Variants in SATB1 observed in about 807,000 individuals in gnomAD.
The protein encoded by SATB1 is DNA-binding protein SATB1.
In SATB1, 11 loss-of-function variants were observed where a neutral mutation model predicts 86.9. The ratio of observed to expected loss-of-function variants is 0.13; its 90% confidence interval spans 0.08 to 0.21. The LOEUF (loss-of-function observed/expected upper bound fraction) is 0.21. Among genes scored for constraint, SATB1 ranks in the 10% least tolerant of loss-of-function variants. The pLI is 1.00. For synonymous variants in SATB1, 357 were observed against 357.2 expected, an observed-to-expected ratio of 1.00 and a Z score of 0.01; for missense variants, 551 against 937.6, an observed-to-expected ratio of 0.59 and a Z score of 5.39.
chr3:18,435,176 A>T (rs1699018793), intron 2 of SATB1: 1 of 152,178 alleles, frequency 6.6e-6, no homozygotes, highest in Admixed American at 6.5e-5. Context: ...CTATTCTGTT[A>T]TTGTTATAAT....
At position 18,351,215 on chromosome 3, in the gene SATB1, G is replaced by A. The variant is rs575105835; in HGVS notation, c.1779+777C>T. 11 of 922,644 alleles carry A rather than the reference G, an allele frequency of 1.2e-5. No individual in the cohort carries two copies. In the South Asian group the frequency reaches 1.4e-4, roughly 12 times the overall value. The allele number at this position is 922,644 out of a possible 1,614,324, so 57.2% of individuals were successfully genotyped here. A position where few individuals can be genotyped will look rare whatever the true frequency, so the allele number is the denominator to read the frequency against. On this transcript the variant is annotated intron_variant, in intron 10 of 10. Coordinates refer to ENST00000338745, the MANE Select transcript of SATB1 (RefSeq NM_002971.6). ...GCTCTGCCCAAGACCATGGTTAGTA[G>A]GGCCTTTACAGGTTTGAAAATCCTG...
chr3:18,433,205 T>C (rs1434948596), intron 2 of SATB1, among the ~76,000 whole-genome samples: 4 of 152,204 alleles, frequency 2.6e-5, no homozygotes, highest in African/African-American at 9.6e-5. Context: ...TCTTTTGGAA[T>C]GTTTTTCAAA....
At chr3:18,365,711 C>T (rs980152257) in intron 9 of SATB1, among the ~76,000 whole-genome samples, 1 of 152,156 alleles carries the variant, frequency 6.6e-6, no homozygotes. Flanking sequence ...TGGCTCAATG[C>T]TAATTTGCTC....
intron 7 of SATB1, among the ~76,000 whole-genome samples, chr3:18,389,609 C>CA (rs1696537005): frequency 6.6e-6 from 1 of 151,994 alleles, no homozygotes; most frequent in African/African-American, 2.4e-5. Context: ...GTAAGCGTGA[C>CA]CTTTTACCAA....
At chr3:18,364,378 A>G (rs1478002649) in intron 9 of SATB1, among the ~76,000 whole-genome samples, 1 of 152,208 alleles carries the variant, frequency 6.6e-6, no homozygotes, top group African/African-American at 2.4e-5. Flanking sequence ...AACAGATCTA[A>G]TAACTACTGT....
At chr3:18,367,575 G>A (rs9879688) in intron 9 of SATB1, among the ~76,000 whole-genome samples, 17,225 of 152,040 alleles carry the variant, frequency 0.11, 2,091 homozygotes, top group African/African-American at 0.29. Context: ...ATAGGGACCT[G>A]GAAGGGTCCA....
chr3:18,371,081 A>T (rs1695458072), intron 9 of SATB1, among the ~76,000 whole-genome samples: 1 of 152,210 alleles, frequency 6.6e-6, no homozygotes, highest in East Asian at 1.9e-4. Context: ...AATCAGAGGC[A>T]CTGAGGCGGC....
At chr3:18,404,658 T>C (rs965586237) in intron 5 of SATB1, among the ~76,000 whole-genome samples, 1 of 152,072 alleles carries the variant, frequency 6.6e-6, no homozygotes, top group Non-Finnish European at 1.5e-5. Flanking sequence ...AAAGAAAATG[T>C]TGGTTCACAG....
intron 2 of SATB1, among the ~76,000 whole-genome samples, chr3:18,431,970 C>G (rs1698904449): frequency 6.6e-6 from 1 of 152,126 alleles, no homozygotes; most frequent in African/African-American, 2.4e-5. Context: ...AAGTGACTAA[C>G]CACAAAATTA....
intron 5 of SATB1, among the ~76,000 whole-genome samples, chr3:18,403,917 G>C (rs1186806415): frequency 6.6e-6 from 1 of 151,970 alleles, no homozygotes; most frequent in Non-Finnish European, 1.5e-5. Context: ...TGCATGTCCT[G>C]ACTACCTATG....
intron 8 of SATB1, among the ~76,000 whole-genome samples, chr3:18,380,222 G>C (rs1388607267): frequency 6.6e-6 from 1 of 152,052 alleles, no homozygotes. Context: ...ATGGAAATGG[G>C]GGCACCAAGT....
chr3:18,373,301 T>A (rs1261675899), intron 9 of SATB1, among the ~76,000 whole-genome samples: 1 of 152,200 alleles, frequency 6.6e-6, no homozygotes, highest in Non-Finnish European at 1.5e-5. Flanking sequence ...CTATGTGCCT[T>A]AAATAGGAGG....
chr3:18,423,034 A>G (rs146142413), intron 1 of SATB1, among the ~76,000 whole-genome samples: 62 of 152,316 alleles, frequency 4.1e-4, no homozygotes, highest in Admixed American at 1.2e-3. Flanking sequence ...AATGCGCATA[A>G]AACACCCAAT....
At chr3:18,398,680 T>G (rs1222241661) in intron 5 of SATB1, among the ~76,000 whole-genome samples, 3 of 152,164 alleles carry the variant, frequency 2.0e-5, no homozygotes, top group Non-Finnish European at 4.4e-5. Flanking sequence ...GGAGTCGCAT[T>G]ATTTATGTAA....
At chr3:18,383,372 T>C (rs77295006) in intron 8 of SATB1, among the ~76,000 whole-genome samples, 25 of 152,324 alleles carry the variant, frequency 1.6e-4, no homozygotes, top group African/African-American at 5.8e-4. Context: ...CAAAATCATC[T>C]TCTGCATGTT....
chr3:18,402,707 C>CA (rs1232589613), intron 5 of SATB1, among the ~76,000 whole-genome samples: 10 of 151,538 alleles, frequency 6.6e-5, no homozygotes, highest in Middle Eastern at 3.4e-3. Flanking sequence ...AAAAACAAAA[C>CA]AAAAAAAACA....
chr3:18,390,327 T>A (rs551239237), intron 7 of SATB1, among the ~76,000 whole-genome samples: 3 of 152,048 alleles, frequency 2.0e-5, no homozygotes, highest in African/African-American at 7.2e-5. Flanking sequence ...AGAAAATACA[T>A]AGAATATTCT....
intron 9 of SATB1, among the ~76,000 whole-genome samples, chr3:18,355,840 G>C (rs542597009): frequency 2.0e-5 from 3 of 151,850 alleles, no homozygotes; most frequent in Non-Finnish European, 4.4e-5. Context: ...TCCATTCTCA[G>C]AAAACTAAAA....
At chr3:18,397,342 A>G (rs753299654) in intron 5 of SATB1, 52 bp from the exon 6 acceptor site, 1 of 1,005,686 alleles carries the variant, frequency 9.9e-7, no homozygotes, top group Admixed American at 1.7e-5. Flanking sequence ...CACAAGATGG[A>G]ACACAGAAAT....
Sources: allele counts gnomAD v4.1 joint callset (sites outside exome capture counted in the v4.1 genomes callset), GRCh38; gene constraint gnomAD v4.1.1; transcripts MANE v1.5; gene names NCBI Gene and HGNC (gene_info 2026-07-23, HGNC 2026-07-21).